The following INPP5D variants were observed in gnomAD, a reference collection of about 807,000 sequenced individuals.
INPP5D encodes inositol polyphosphate-5-phosphatase D.
INPP5D carries 33 observed loss-of-function variants against 122.9 expected under a neutral mutation model. The observed-to-expected ratio is 0.27, with a 90% CI of 0.20 to 0.36. The LOEUF (loss-of-function observed/expected upper bound fraction) is 0.36. Ranked by LOEUF, INPP5D falls within the 10% of genes least tolerant of loss-of-function variation. The probability of loss-of-function intolerance (pLI) is 1.00; values close to 1 mark genes in which losing one functional copy is unlikely to be tolerated. For missense variants in INPP5D, 1,053 were observed against 1,412.7 expected (o/e 0.75, Z 4.08); for synonymous variants, 584 against 576.2 (o/e 1.01, Z -0.19).
chr2:233,177,246 C>A lies in INPP5D; in HGVS notation c.1990-19C>A. On this transcript the variant is annotated intron_variant, in intron 17 of 26. Transcript: ENST00000445964. The surrounding 1 kb of genome is among the most constrained non-coding windows in gnomAD (Gnocchi z 4.2). ...AATAATAAGAGGCATTTTTTAAAGC[C>A]TATGACTTTGATTTGCAGATGAAGT... 1 of 1,613,624 alleles carries A rather than the reference C, an allele frequency of 6.2e-7. No individual in the cohort carries two copies. The highest frequency in any genetic ancestry group is 1.3e-5 in the African/African-American group (1 of 75,000).
intron 6 of INPP5D, chr2:233,145,151 C>T: frequency 4.5e-6 from 2 of 445,794 alleles, no homozygotes; most frequent in Non-Finnish European, 9.1e-6. Context: ...CCACACCTGG[C>T]AGCATGTCTA....
At chr2:233,129,476 A>AG (rs1411279361) in intron 4 of INPP5D, among the ~76,000 whole-genome samples, 1 of 152,234 alleles carries the variant, frequency 6.6e-6, no homozygotes, top group Non-Finnish European at 1.5e-5. Context: ...ATCCGACTTT[A>AG]GGGGGCGCCC....
chr2:233,157,241 C>A lies in INPP5D; in HGVS notation c.1031-1072C>A, dbSNP rs141717757. Among the ~76,000 whole-genome samples, 152 of 152,182 alleles carry A rather than the reference C, an allele frequency of 1.0e-3. 1 individual carries two copies. Among genetic ancestry groups the A allele is most frequent in the African/African-American group, 3.6e-3 (148 of 41,506 alleles). On this transcript the variant is annotated intron_variant, in intron 9 of 26. Coordinates refer to ENST00000445964, the MANE Select transcript of INPP5D (RefSeq NM_001017915.3). Reference sequence around the variant, plus strand: ...GGGGTCCAAGAAATGGGATTTAATACGAGAGAGAGAAACGTATTCCTGGAT... The same window carrying A: ...GGGGTCCAAGAAATGGGATTTAATAAGAGAGAGAGAAACGTATTCCTGGAT...
rs915689826 is a variant in INPP5D at position 233,060,623 on chromosome 2, C to T, written c.134+11C>T. On this transcript the variant is annotated intron_variant, in intron 1 of 26. Coordinates refer to ENST00000445964, the MANE Select transcript of INPP5D (RefSeq NM_001017915.3). Reference sequence around the variant, plus strand: ...CGCGCTCTGCGTGCTGTGAGTACAACCTGCTCCCTCCCCGGGCACAGATAT... The same window carrying T: ...CGCGCTCTGCGTGCTGTGAGTACAATCTGCTCCCTCCCCGGGCACAGATAT... 36 of 1,613,514 alleles carry T rather than the reference C, an allele frequency of 2.2e-5. No individual in the cohort carries two copies. The highest frequency in any genetic ancestry group is 2.8e-5 in the Non-Finnish European group (33 of 1,179,492).
chr2:233,063,785 T>C (rs2106193310), intron 1 of INPP5D, among the ~76,000 whole-genome samples: 1 of 152,358 alleles, frequency 6.6e-6, no homozygotes, highest in East Asian at 1.9e-4. Context: ...CTGCCGTCTT[T>C]CAGCCAGGGG....
chr2:233,062,285 G>C (rs894871027), intron 1 of INPP5D, among the ~76,000 whole-genome samples: 1 of 152,328 alleles, frequency 6.6e-6, no homozygotes, highest in Middle Eastern at 3.4e-3. Context: ...CTTTGTGGTT[G>C]CTCAGGTTAC....
intron 4 of INPP5D, among the ~76,000 whole-genome samples, chr2:233,127,063 T>TA (rs1693183443): frequency 6.6e-6 from 1 of 152,210 alleles, no homozygotes; most frequent in South Asian, 2.1e-4. Context: ...CCTCTCCTAC[T>TA]AAGGCTCGTA....
intron 5 of INPP5D, among the ~76,000 whole-genome samples, chr2:233,138,031 A>ATTATATTATATT (rs1559313697): frequency 4.1e-5 from 6 of 147,368 alleles, no homozygotes; most frequent in East Asian, 1.9e-4. Context: ...ATGTAATGAG[A>ATTATATTATATT]AAAAAATACA....
At position 233,197,301 on chromosome 2, in the gene INPP5D, A is replaced by G. The variant is rs376840533; in HGVS notation, c.2694-794A>G. On this transcript the variant is annotated intron_variant, in intron 24 of 26. Transcript: ENST00000445964. This position sits in a 1 kb window ranked among gnomAD's most constrained non-coding sequence, Gnocchi z 4.4. ...CATAGCTTTAAGCTGATTGCCCCCA[A>G]TTCCAGGCTCCAACCTTGATCTCTG... Among the ~76,000 whole-genome samples the G allele has an allele frequency of 1.3e-5, 2 of 152,118 alleles. No homozygotes were observed. Among genetic ancestry groups the G allele is most frequent in the South Asian group, 2.1e-4 (1 of 4,830 alleles).
chr2:233,164,492 T>C lies in INPP5D; in HGVS notation c.1555+68T>C. On this transcript the variant is annotated intron_variant, in intron 13 of 26. Transcript: ENST00000445964. This position sits in a 1 kb window ranked among gnomAD's most constrained non-coding sequence, Gnocchi z 4.3. ...CTCAACTCTCGCGACCACATCATCCTGATCCCACCAGTAGTTCCCCGGGTT... is the reference window on the plus strand; with the variant it reads ...CTCAACTCTCGCGACCACATCATCCCGATCCCACCAGTAGTTCCCCGGGTT... The C allele has an allele frequency of 1.4e-6, 2 of 1,459,898 alleles. No homozygotes were observed. The highest frequency in any genetic ancestry group is 2.8e-5 in the South Asian group (2 of 72,600). 90.4% of individuals were successfully genotyped at this position (1,459,898 alleles called of 1,614,324 possible).
At chr2:233,110,800 CT>C (rs968765675) in intron 2 of INPP5D, among the ~76,000 whole-genome samples, 5 of 152,104 alleles carry the variant, frequency 3.3e-5, no homozygotes, top group Non-Finnish European at 5.9e-5. Flanking sequence ...TGGCACATGC[CT>C]GTAGTCCCGG....
rs1173527831 is a variant in INPP5D at position 233,121,170 on chromosome 2, C to T, written c.199-937C>T. ...TTTTTGAGACAGGGTCTCACTCTGTCGCCCAGGCTGGAGTGCAGTGGTGTG... is the reference window on the plus strand; with the variant it reads ...TTTTTGAGACAGGGTCTCACTCTGTTGCCCAGGCTGGAGTGCAGTGGTGTG... On this transcript the variant is annotated intron_variant, in intron 2 of 26. Transcript: ENST00000445964. Among the ~76,000 whole-genome samples, 7 of 136,348 alleles carry T rather than the reference C, an allele frequency of 5.1e-5. No homozygotes were observed. The East Asian group carries it at 6.5e-4, about 13-fold the overall frequency. The allele number at this position is 136,348 out of a possible 152,430, so 89.4% of individuals were successfully genotyped here. A position where few individuals can be genotyped will look rare whatever the true frequency, so the allele number is the denominator to read the frequency against.
Position 233,204,592 on chromosome 2 carries a change from C to A in INPP5D, c.3442C>A (p.Pro1148Thr). 1 of 1,568,162 alleles carries A rather than the reference C, an allele frequency of 6.4e-7. No individual in the cohort carries two copies. The highest frequency in any genetic ancestry group is 8.6e-7 in the Non-Finnish European group (1 of 1,157,912). The change falls in exon 26 of 27, where the codon CCG becomes ACG. Residue 1148 changes from proline to threonine, a missense_variant. Pro to Thr is a conservative substitution (Grantham distance 38). This residue lies in a region of INPP5D where 417 missense variants were observed against 425.8 expected (regional missense o/e 0.98). Transcript: ENST00000445964. ...GCGGCCGCCGCTGCCAGTCAAGAGC[C>A]CGGCGGTGCTGCACCTCCAGCACTC... is the stretch of plus-strand genomic sequence containing the variant. ...TPRPPLPVKS[P>T]AVLHLQHSKG... is the part of the protein sequence containing the mutation.
At chr2:233,071,697 AT>A (rs1381869781) in intron 1 of INPP5D, among the ~76,000 whole-genome samples, 1 of 151,996 alleles carries the variant, frequency 6.6e-6, no homozygotes, top group Non-Finnish European at 1.5e-5. Context: ...AAATTTTGTA[AT>A]TTTCTTCATA....
chr2:233,147,266 G>T (rs1452661896), intron 8 of INPP5D, among the ~76,000 whole-genome samples: 1 of 152,228 alleles, frequency 6.6e-6, no homozygotes, highest in Non-Finnish European at 1.5e-5. Flanking sequence ...AGTGGACGAG[G>T]GGGATGCCCC....
intron 2 of INPP5D, among the ~76,000 whole-genome samples, chr2:233,085,713 G>A (rs559489997): frequency 2.0e-5 from 3 of 152,156 alleles, no homozygotes; most frequent in South Asian, 4.1e-4. Context: ...AGCCCCCTGG[G>A]GTACACATGC....
At chr2:233,074,292 C>G (rs534395729) in intron 1 of INPP5D, among the ~76,000 whole-genome samples, 10 of 152,226 alleles carry the variant, frequency 6.6e-5, no homozygotes, top group African/African-American at 2.4e-4. Context: ...GCGCCTCATA[C>G]CTGGGTCTTG....
intron 13 of INPP5D, among the ~76,000 whole-genome samples, chr2:233,167,316 A>ATG: frequency 6.6e-6 from 1 of 151,912 alleles, no homozygotes; most frequent in South Asian, 2.1e-4. Flanking sequence ...GGCTACAGAA[A>ATG]GCCATGATTT....
chr2:233,072,763 G>A (rs1691414570), intron 1 of INPP5D, among the ~76,000 whole-genome samples: 1 of 152,214 alleles, frequency 6.6e-6, no homozygotes, highest in South Asian at 2.1e-4. Flanking sequence ...ATCATGCATA[G>A]TTTTGTATAA....
Sources: allele counts gnomAD v4.1 joint callset (sites outside exome capture counted in the v4.1 genomes callset), GRCh38; gene constraint gnomAD v4.1.1; regional missense constraint gnomAD v4.1.1; non-coding constraint Gnocchi (gnomAD v3.1); transcripts MANE v1.5; gene names NCBI Gene and HGNC (gene_info 2026-07-23, HGNC 2026-07-21).